The following CSMD1 variants were observed in gnomAD, a reference collection of about 807,000 sequenced individuals.
The protein encoded by CSMD1 is CUB and Sushi multiple domains 1, also known as CUB and sushi domain-containing protein 1.
CSMD1 carries 213 observed loss-of-function variants against 417.5 expected under a neutral mutation model. The ratio of observed to expected loss-of-function variants is 0.51; its 90% CI spans 0.46 to 0.57. The LOEUF is 0.57. CSMD1 is among the 20% of genes least tolerant of loss of function. CSMD1 has a pLI of 0.00. For synonymous variants in CSMD1, 2,862 were observed against 1,736.8 expected, an observed-to-expected ratio of 1.65 and a Z score of -16.11; for missense variants, 6,923 against 4,529.7, an observed-to-expected ratio of 1.53 and a Z score of -15.17.
At chr8:4,093,849 A>T (rs1800848158) in intron 3 of CSMD1, among the ~76,000 whole-genome samples, 1 of 152,072 alleles carries the variant, frequency 6.6e-6, no homozygotes, top group African/African-American at 2.4e-5. Context: ...TAATCCCAGC[A>T]ATCGGGAGGC....
intron 3 of CSMD1, among the ~76,000 whole-genome samples, chr8:4,281,009 A>G (rs1796751788): frequency 6.6e-6 from 1 of 152,164 alleles, no homozygotes; most frequent in Admixed American, 6.5e-5. Flanking sequence ...ATGTATTAAA[A>G]TTAAGTGAGT....
intron 26 of CSMD1, among the ~76,000 whole-genome samples, chr8:3,273,625 A>C (rs1400311719): frequency 6.6e-6 from 1 of 152,188 alleles, no homozygotes; most frequent in Non-Finnish European, 1.5e-5. Flanking sequence ...TTTTTGGTCT[A>C]TTCAGAGATT....
At chr8:4,181,631 T>C (rs984495215) in intron 3 of CSMD1, among the ~76,000 whole-genome samples, 2 of 152,198 alleles carry the variant, frequency 1.3e-5, no homozygotes, top group Non-Finnish European at 2.9e-5. Flanking sequence ...ATATTTACAT[T>C]CCATTGCCTG....
intron 5 of CSMD1, among the ~76,000 whole-genome samples, chr8:3,839,473 AAT>A (rs1802965889): frequency 3.6e-5 from 2 of 54,924 alleles, no homozygotes; most frequent in Admixed American, 3.2e-4. Flanking sequence ...TATATTATAT[AAT>A]TATATTATAT....
At chr8:4,982,129 T>A (rs1466721571) in intron 1 of CSMD1, among the ~76,000 whole-genome samples, 1 of 152,226 alleles carries the variant, frequency 6.6e-6, no homozygotes, top group African/African-American at 2.4e-5. Context: ...CAACACTTGA[T>A]GGCTGCTTTG....
intron 6 of CSMD1, among the ~76,000 whole-genome samples, chr8:3,717,225 G>C (rs78480368): frequency 1.3e-5 from 2 of 151,876 alleles, no homozygotes; most frequent in Non-Finnish European, 2.9e-5. Context: ...ATTAGTAAAC[G>C]TACCTTTCCA....
intron 2 of CSMD1, among the ~76,000 whole-genome samples, chr8:4,616,816 G>A (rs1801498609): frequency 6.6e-6 from 1 of 152,124 alleles, no homozygotes; most frequent in Non-Finnish European, 1.5e-5. Flanking sequence ...CTAAAGACAA[G>A]AAACTCATTT....
At chr8:4,329,844 C>T (rs992203370) in intron 3 of CSMD1, among the ~76,000 whole-genome samples, 1 of 98,948 alleles carries the variant, frequency 1.0e-5, no homozygotes. Flanking sequence ...TGGCACCACC[C>T]TGCTTACACA....
chr8:4,028,790 T>C (rs1317145576), intron 4 of CSMD1, among the ~76,000 whole-genome samples: 1 of 152,238 alleles, frequency 6.6e-6, no homozygotes, highest in Non-Finnish European at 1.5e-5. Context: ...GTGAAGTTTT[T>C]AGCAAATTTT....
rs1801383463 is a variant in CSMD1, at chr8:2,935,381, G to C, written c.*3204C>G. On this transcript the variant is annotated 3_prime_UTR_variant, in exon 70 of 70. Transcript: ENST00000635120. ...AAATCTAAAATTAAATATTTAATTAGAACTCTGATTTGCTTTAAAGATTGG... is the reference window on the plus strand; with the variant it reads ...AAATCTAAAATTAAATATTTAATTACAACTCTGATTTGCTTTAAAGATTGG... The C allele has an allele frequency of 6.6e-6, 1 of 152,018 alleles. No individual in the cohort carries two copies. Among genetic ancestry groups the C allele is most frequent in the African/African-American group, 2.4e-5 (1 of 41,374 alleles). The allele number at this position is 152,018 out of a possible 1,614,324, so 9.4% of individuals were successfully genotyped here.
At chr8:3,183,044 C>T (rs2129048464) in intron 36 of CSMD1, 1 of 152,006 alleles carries the variant, frequency 6.6e-6, no homozygotes, top group African/African-American at 2.4e-5. Flanking sequence ...AGGCATGAGC[C>T]ACCGCACCCG....
At chr8:3,797,419 C>T (rs1175759766) in intron 5 of CSMD1, among the ~76,000 whole-genome samples, 1 of 151,944 alleles carries the variant, frequency 6.6e-6, no homozygotes, top group Non-Finnish European at 1.5e-5. Flanking sequence ...CATTTTTCCT[C>T]TTACATTCAG....
At position 4,338,784 on chromosome 8, in the gene CSMD1, T is replaced by C. The variant is rs147043683; in HGVS notation, c.415+81169A>G. Among the ~76,000 whole-genome samples the C allele has an allele frequency of 2.6e-3, 394 of 152,208 alleles. 3 individuals carry two copies. Among genetic ancestry groups the C allele is most frequent in the Non-Finnish European group, 4.3e-3 (291 of 68,000 alleles). The stretch of plus-strand genomic sequence containing the variant: ...TCTCCTTGAACCCAAATGAATCATA[T>C]TGATATTAGTTTAATGTTGCAATTA... On this transcript the variant is annotated intron_variant, in intron 3 of 69. Coordinates refer to ENST00000635120, the MANE Select transcript of CSMD1 (RefSeq NM_033225.6).
chr8:4,547,338 C>A (rs947834451), intron 2 of CSMD1, among the ~76,000 whole-genome samples: 1 of 152,192 alleles, frequency 6.6e-6, no homozygotes, highest in African/African-American at 2.4e-5. Context: ...TTCCACGTTG[C>A]CACAGCAGTG....
rs139824676 is a variant in CSMD1, at chr8:3,865,275, C to T, written c.819-111233G>A. ...TAGGGACAGTAAGTTACTTCTGCCT[C>T]ACATCTCAGAGAGCGGTACTTCAAT... On this transcript the variant is annotated intron_variant, in intron 5 of 69. Transcript: ENST00000635120. Among the ~76,000 whole-genome samples the T allele has an allele frequency of 2.6e-4, 40 of 152,314 alleles. No individual in the cohort carries two copies. The East Asian group carries it at 7.7e-3, about 29-fold the overall frequency.
chr8:3,513,736 T>C (rs1188323738), intron 10 of CSMD1, among the ~76,000 whole-genome samples: 1 of 152,194 alleles, frequency 6.6e-6, no homozygotes, highest in Non-Finnish European at 1.5e-5. Flanking sequence ...GTGTGTTAGT[T>C]ACCATAATAG....
chr8:3,120,645 G>A (rs1217836577), intron 41 of CSMD1, among the ~76,000 whole-genome samples: 1 of 151,724 alleles, frequency 6.6e-6, no homozygotes. Flanking sequence ...TCAAGAGATT[G>A]AGACCAGCCT....
At chr8:3,297,185 T>C (rs1483918832) in intron 25 of CSMD1, among the ~76,000 whole-genome samples, 1 of 152,056 alleles carries the variant, frequency 6.6e-6, no homozygotes, top group African/African-American at 2.4e-5. Context: ...AAAAGCTAAA[T>C]AAATGGAGAG....
chr8:3,242,806 GCGCAGAAA>G (rs1799630654), intron 26 of CSMD1, among the ~76,000 whole-genome samples: 1 of 35,952 alleles, frequency 2.8e-5, no homozygotes, highest in Non-Finnish European at 7.4e-5. Flanking sequence ...AGGGGTTGGG[GCGCAGAAA>G]TAAGGGGTTG....
Sources: gnomAD v4.1 joint callset for allele counts (sites outside exome capture counted in the v4.1 genomes callset) on GRCh38, gnomAD v4.1.1 for gene constraint, MANE v1.5 for transcripts, NCBI Gene and HGNC (gene_info 2026-07-23, HGNC 2026-07-21) for gene names.